The following PPP4R4 variants were observed in gnomAD, a reference collection of about 807,000 sequenced individuals.
The protein encoded by PPP4R4 is protein phosphatase 4 regulatory subunit 4.
PPP4R4 carries 70 observed loss-of-function variants against 121.8 expected under a neutral mutation model. The ratio of observed to expected loss-of-function variants is 0.57; its 90% CI spans 0.47 to 0.70. The LOEUF is 0.70. Among genes scored for constraint, PPP4R4 ranks in the 30% least tolerant of loss-of-function variants. PPP4R4 has a pLI of 0.00. For synonymous variants in PPP4R4, 348 were observed against 355.7 expected (o/e 0.98, Z 0.24); for missense variants, 875 against 1,033.6 (o/e 0.85, Z 2.10).
Position 94,278,789 on chromosome 14 carries a change from A to G in PPP4R4, c.*146A>G. 1.7e-6 allele frequency: 1 copy of G among 599,574 alleles called. No individual in the cohort carries two copies. The highest frequency in any genetic ancestry group is 4.1e-5 in the South Asian group (1 of 24,202). The allele number at this position is 599,574 out of a possible 1,614,324, so 37.1% of individuals were successfully genotyped here. On this transcript the variant is annotated 3_prime_UTR_variant, in exon 25 of 25. Coordinates refer to ENST00000304338, the MANE Select transcript of PPP4R4 (RefSeq NM_058237.2). ...GTTAATGAGCAGAAAGAGAGACATA[A>G]TGACAGCTGATGTTAAACTTTTCAT...
At chr14:94,223,943 A>C (rs960361238) in intron 3 of PPP4R4, among the ~76,000 whole-genome samples, 3 of 152,224 alleles carry the variant, frequency 2.0e-5, no homozygotes, top group African/African-American at 7.2e-5. Flanking sequence ...ATACGTTAGA[A>C]GTAATCAAGA....
intron 19 of PPP4R4, among the ~76,000 whole-genome samples, chr14:94,261,234 G>A (rs1047623302): frequency 1.3e-5 from 2 of 151,962 alleles, no homozygotes; most frequent in African/African-American, 4.8e-5. Flanking sequence ...TTCCATCTTT[G>A]TTCCCTCTTA....
chr14:94,246,645 A>C, intron 14 of PPP4R4, 106 bp downstream of exon 14: 1 of 1,263,842 alleles, frequency 7.9e-7, no homozygotes, highest in Non-Finnish European at 1.1e-6. Context: ...AGTTCATTCC[A>C]TTCTACCTAG....
intron 2 of PPP4R4, among the ~76,000 whole-genome samples, chr14:94,192,759 A>C (rs1014937920): frequency 2.6e-5 from 4 of 152,182 alleles, no homozygotes; most frequent in African/African-American, 9.6e-5. Flanking sequence ...GCATCTGCTC[A>C]TCTCCTCTCT....
At chr14:94,272,661 A>G (rs981683277) in intron 23 of PPP4R4, among the ~76,000 whole-genome samples, 3 of 152,186 alleles carry the variant, frequency 2.0e-5, no homozygotes, top group Non-Finnish European at 2.9e-5. Flanking sequence ...GAAATTCATT[A>G]AAATTAAAAC....
intron 1 of PPP4R4, chr14:94,175,847 C>T (rs1888650993): frequency 7.0e-6 from 4 of 568,992 alleles, no homozygotes; most frequent in African/African-American, 1.9e-5. Context: ...AAATACAGCC[C>T]CCTCCCCAAA....
At chr14:94,204,141 C>T (rs1337211788) in intron 2 of PPP4R4, among the ~76,000 whole-genome samples, 2 of 152,060 alleles carry the variant, frequency 1.3e-5, no homozygotes, top group African/African-American at 4.8e-5. Flanking sequence ...CCATGTTTTT[C>T]CTGACAGGTC....
chr14:94,235,388 CTTTTTTTTTTTTTTTTT>C (rs34881107), intron 7 of PPP4R4, among the ~76,000 whole-genome samples: 1 of 50,806 alleles, frequency 2.0e-5, no homozygotes, highest in Non-Finnish European at 3.4e-5. Context: ...TCTCCTTGTT[CTTTTTTTTTTTTTTTTT>C]TTTTTTTTTT....
At chr14:94,189,375 C>G (rs562031991) in intron 2 of PPP4R4, among the ~76,000 whole-genome samples, 7 of 152,224 alleles carry the variant, frequency 4.6e-5, no homozygotes, top group African/African-American at 1.7e-4. Context: ...AATTATTTCA[C>G]GTAGCTTTTA....
Position 94,218,728 on chromosome 14 carries a change from C to G in PPP4R4, c.294+10162C>G, listed in dbSNP as rs564896883. 1.7e-3 allele frequency among the ~76,000 whole-genome samples: 226 copies of G among 134,524 alleles called. 1 individual carries two copies. The highest frequency in any genetic ancestry group is 6.0e-3 in the African/African-American group (217 of 35,940). The allele number at this position is 134,524 out of a possible 152,430, so 88.3% of individuals were successfully genotyped here. ...GCGCACACACCCTCACCCCTAGACA[C>G]CGCACGTGCGCGCGCGCACACACAC... On this transcript the variant is annotated intron_variant, in intron 3 of 24. Transcript: ENST00000304338.
Position 94,224,523 on chromosome 14 carries a change from G to A in PPP4R4, c.295-6064G>A, listed in dbSNP as rs998547447. Among the ~76,000 whole-genome samples the A allele has an allele frequency of 2.0e-5, 3 of 152,244 alleles. No individual in the cohort carries two copies. The East Asian group carries it at 5.8e-4, about 29-fold the overall frequency. On this transcript the variant is annotated intron_variant, in intron 3 of 24. Coordinates refer to ENST00000304338, the MANE Select transcript of PPP4R4 (RefSeq NM_058237.2). The stretch of plus-strand genomic sequence containing the variant: ...CTATATGAGCAATAAAAAACCAATA[G>A]TATCAACGATAACTCCTGAAATCCT...
At chr14:94,189,699 A>G (rs1254659406) in intron 2 of PPP4R4, among the ~76,000 whole-genome samples, 3 of 152,192 alleles carry the variant, frequency 2.0e-5, no homozygotes, top group Non-Finnish European at 1.5e-5. Flanking sequence ...TTTCAAACTC[A>G]ATGTGCTCGA....
chr14:94,195,228 C>T (rs976693048), intron 2 of PPP4R4, among the ~76,000 whole-genome samples: 2 of 152,090 alleles, frequency 1.3e-5, no homozygotes, highest in Admixed American at 1.3e-4. Context: ...ACTGTGTGAT[C>T]CCCAGTAGTA....
chr14:94,242,825 G>A (rs930794284), intron 11 of PPP4R4, among the ~76,000 whole-genome samples: 3 of 152,114 alleles, frequency 2.0e-5, no homozygotes, highest in Non-Finnish European at 2.9e-5. Flanking sequence ...ATGGTGTTTC[G>A]TGAGCATGGC....
At chr14:94,257,150 C>T (rs1893518316) in intron 17 of PPP4R4, among the ~76,000 whole-genome samples, 1 of 152,144 alleles carries the variant, frequency 6.6e-6, no homozygotes, top group South Asian at 2.1e-4. Context: ...AATAATGTAA[C>T]ATTGTATCCT....
At chr14:94,246,654 A>G in intron 14 of PPP4R4, 115 bp downstream of exon 14, 1 of 1,178,992 alleles carries the variant, frequency 8.5e-7, no homozygotes, top group Admixed American at 2.6e-5. Context: ...CATTCTACCT[A>G]GGAGGATGTC....
chr14:94,196,352 G>A (rs767087271), intron 2 of PPP4R4, among the ~76,000 whole-genome samples: 9 of 114,502 alleles, frequency 7.9e-5, no homozygotes, highest in African/African-American at 1.0e-4. Context: ...TCATTCTGTC[G>A]TCCAGGCTGG....
At chr14:94,265,339 A>G in intron 20 of PPP4R4, 48 bp from the exon 21 acceptor site, 6 of 1,356,406 alleles carry the variant, frequency 4.4e-6, no homozygotes, top group Non-Finnish European at 6.3e-6. Context: ...ATGGAGATTA[A>G]TAAGGACTTA....
chr14:94,254,996 T>A (rs1189329842), intron 16 of PPP4R4, among the ~76,000 whole-genome samples: 3 of 152,180 alleles, frequency 2.0e-5, no homozygotes, highest in African/African-American at 4.8e-5. Flanking sequence ...TCTCTCCCAT[T>A]TCATGGTTTA....
Sources: allele counts gnomAD v4.1 joint callset (sites outside exome capture counted in the v4.1 genomes callset), GRCh38; gene constraint gnomAD v4.1.1; transcripts MANE v1.5; gene names NCBI Gene and HGNC (gene_info 2026-07-23, HGNC 2026-07-21).